The following RARB variants were observed in gnomAD, a reference collection of about 807,000 sequenced individuals.
The protein encoded by RARB is retinoic acid receptor beta, also known as HBV-activated protein.
RARB carries 17 observed loss-of-function variants against 51.9 expected under a neutral mutation model. The ratio of observed to expected loss-of-function variants is 0.33; its 90% confidence interval spans 0.22 to 0.49. RARB has a LOEUF of 0.49. Ranked by LOEUF, RARB falls within the 20% of genes least tolerant of loss-of-function variation. The pLI is 0.99. For missense variants in RARB, 369 were observed against 550.8 expected, an observed-to-expected ratio of 0.67 and a Z score of 3.30; for synonymous variants, 215 against 195.4, an observed-to-expected ratio of 1.10 and a Z score of -0.84.
intron 1 of RARB, among the ~76,000 whole-genome samples, chr3:25,445,745 T>C (rs916783157): frequency 6.6e-6 from 1 of 152,088 alleles, no homozygotes; most frequent in African/African-American, 2.4e-5. Context: ...TATTTATAAA[T>C]TGTCAGGAGT....
chr3:25,584,631 C>G, intron 5 of RARB, among the ~76,000 whole-genome samples: 1 of 152,192 alleles, frequency 6.6e-6, no homozygotes, highest in East Asian at 1.9e-4. Flanking sequence ...AGTGAGCCAG[C>G]GGGGGCGAGA....
At chr3:24,962,094 T>G (rs1307082662) in intron 2 of RARB, among the ~76,000 whole-genome samples, 1 of 152,010 alleles carries the variant, frequency 6.6e-6, no homozygotes, top group Non-Finnish European at 1.5e-5. Context: ...CACACCTGGC[T>G]GATTTTTTCT....
intron 5 of RARB, among the ~76,000 whole-genome samples, chr3:25,350,337 G>T (rs550498012): frequency 2.0e-5 from 3 of 152,142 alleles, no homozygotes; most frequent in Admixed American, 6.5e-5. Context: ...CCACAATCAG[G>T]CCAGCTCAGC....
intron 2 of RARB, among the ~76,000 whole-genome samples, chr3:25,011,623 TC>T (rs1406696875): frequency 6.6e-6 from 1 of 152,050 alleles, no homozygotes; most frequent in Non-Finnish European, 1.5e-5. Context: ...CTACTGAAAA[TC>T]CAGTTAAACA....
chr3:25,048,822 C>G (rs1698268887), intron 2 of RARB, among the ~76,000 whole-genome samples: 1 of 135,574 alleles, frequency 7.4e-6, no homozygotes, highest in Middle Eastern at 4.6e-3. Flanking sequence ...GTGGCGCGAT[C>G]TCGGCTCACT....
intron 2 of RARB, among the ~76,000 whole-genome samples, chr3:24,919,214 C>T (rs1695167105): frequency 6.6e-6 from 1 of 152,170 alleles, no homozygotes. Flanking sequence ...CATAATATTT[C>T]ACTACTTTTT....
intron 3 of RARB, among the ~76,000 whole-genome samples, chr3:25,062,060 A>G (rs149546417): frequency 1.9e-3 from 284 of 151,968 alleles, no homozygotes; most frequent in Non-Finnish European, 1.8e-3. Flanking sequence ...ATATAGAAGT[A>G]TAAAATATCT....
At chr3:24,913,971 T>C (rs2125381806) in intron 2 of RARB, among the ~76,000 whole-genome samples, 1 of 152,340 alleles carries the variant, frequency 6.6e-6, no homozygotes, top group East Asian at 1.9e-4. Context: ...GCTTTTTCTC[T>C]ATGCGATGGA....
chr3:25,136,401 C>G (rs1379056989), intron 4 of RARB, among the ~76,000 whole-genome samples: 1 of 152,014 alleles, frequency 6.6e-6, no homozygotes, highest in Non-Finnish European at 1.5e-5. Flanking sequence ...GATGATACCT[C>G]TTTTAATGGG....
At chr3:25,122,588 A>G (rs1011704443) in intron 3 of RARB, among the ~76,000 whole-genome samples, 4 of 152,106 alleles carry the variant, frequency 2.6e-5, no homozygotes, top group African/African-American at 9.7e-5. Flanking sequence ...TGAGGGGGAC[A>G]AGTTAGCTCT....
chr3:25,116,952 T>A (rs552873083), intron 3 of RARB, among the ~76,000 whole-genome samples: 16 of 152,312 alleles, frequency 1.1e-4, no homozygotes, highest in African/African-American at 3.6e-4. Flanking sequence ...GCAAATATAA[T>A]TTTTTAACAT....
intron 2 of RARB, among the ~76,000 whole-genome samples, chr3:24,866,129 C>G (rs913104130): frequency 6.6e-6 from 1 of 152,098 alleles, no homozygotes; most frequent in Non-Finnish European, 1.5e-5. Context: ...AGTCTAACTC[C>G]TAGGCTGACG....
intron 5 of RARB, among the ~76,000 whole-genome samples, chr3:25,200,425 G>A (rs1701360970): frequency 6.6e-6 from 1 of 151,970 alleles, no homozygotes; most frequent in Admixed American, 6.6e-5. Flanking sequence ...TTCTTTTGCT[G>A]TGCAGAAGCT....
chr3:25,063,329 G>C (rs913063802), intron 3 of RARB, among the ~76,000 whole-genome samples: 1 of 151,956 alleles, frequency 6.6e-6, no homozygotes, highest in Non-Finnish European at 1.5e-5. Flanking sequence ...TATGTCTTCT[G>C]TATCTCTTTG....
At position 25,553,552 on chromosome 3, in the gene RARB, C is replaced by T. The variant is rs143281722; in HGVS notation, c.449-16206C>T. On this transcript the variant is annotated intron_variant, in intron 3 of 7. Transcript: ENST00000330688. ...ACTCTCTTTCACATCACCAAAAAAA[C>T]CAGTCATCTGAAGTGTTGCTTCCTA... Among the ~76,000 whole-genome samples the T allele has an allele frequency of 3.2e-4, 48 of 152,296 alleles. No individual in the cohort carries two copies. The East Asian group carries it at 5.0e-3, about 16-fold the overall frequency.
At chr3:25,104,102 AATAT>A (rs1180368033) in intron 3 of RARB, among the ~76,000 whole-genome samples, 1 of 152,168 alleles carries the variant, frequency 6.6e-6, no homozygotes, top group Non-Finnish European at 1.5e-5. Flanking sequence ...TTTATTTGAA[AATAT>A]ATCAAAAAGT....
intron 2 of RARB, among the ~76,000 whole-genome samples, chr3:25,004,374 C>T (rs1467128106): frequency 6.6e-6 from 1 of 152,064 alleles, no homozygotes; most frequent in Non-Finnish European, 1.5e-5. Flanking sequence ...TTATATTAAA[C>T]AGATTCATTG....
At chr3:25,279,751 T>A (rs898353244) in intron 5 of RARB, among the ~76,000 whole-genome samples, 1 of 152,142 alleles carries the variant, frequency 6.6e-6, no homozygotes, top group African/African-American at 2.4e-5. Context: ...ACTAGTGATA[T>A]ATTAGCTTTT....
intron 5 of RARB, among the ~76,000 whole-genome samples, chr3:25,419,624 G>A (rs537565999): frequency 2.0e-5 from 3 of 152,150 alleles, no homozygotes; most frequent in Non-Finnish European, 4.4e-5. Context: ...AAAACCCGAG[G>A]ACCTTGATTT....
Sources: allele counts gnomAD v4.1 joint callset (sites outside exome capture counted in the v4.1 genomes callset), GRCh38; gene constraint gnomAD v4.1.1; transcripts MANE v1.5; gene names NCBI Gene and HGNC (gene_info 2026-07-23, HGNC 2026-07-21).